Variants in CLEC4A observed in about 807,000 individuals in gnomAD.
The protein encoded by CLEC4A is C-type (calcium dependent, carbohydrate-recognition domain) lectin, superfamily member 6.
CLEC4A carries 27 observed loss-of-function variants against 32.7 expected under a neutral mutation model. The ratio of observed to expected loss-of-function variants is 0.83; its 90% CI spans 0.61 to 1.14. CLEC4A has a LOEUF of 1.14. Ranked by LOEUF, CLEC4A falls within the 50% of genes most tolerant of loss-of-function variation. The pLI, the probability that CLEC4A is intolerant of heterozygous loss-of-function variation, is 0.00. For synonymous variants in CLEC4A, 89 were observed against 93.7 expected, an observed-to-expected ratio of 0.95 and a Z score of 0.29; for missense variants, 253 against 274.6, an observed-to-expected ratio of 0.92 and a Z score of 0.55.
At chr12:8,107,765 C>T in the CLEC4A span, among the ~76,000 whole-genome samples, 1 of 146,464 alleles carries the variant, frequency 6.8e-6, no homozygotes, top group African/African-American at 2.5e-5. Flanking sequence ...TTATATCGAT[C>T]TTCTGCTTTT....
intron 4 of CLEC4A, 111 bp from the exon 5 acceptor site, chr12:8,136,677 A>G (rs1948122391): frequency 1.6e-6 from 1 of 639,300 alleles, no homozygotes; most frequent in Admixed American, 2.5e-5. Context: ...GTAGAGCTCT[A>G]ATGCAGCTGT....
chr12:8,109,198 A>C, the CLEC4A span, among the ~76,000 whole-genome samples: 1 of 152,226 alleles, frequency 6.6e-6, no homozygotes, highest in Admixed American at 6.5e-5. Flanking sequence ...TAACTGATCC[A>C]AAGTTTGTTG....
At chr12:8,122,354 G>A (rs748276869), upstream of CLEC4A, among the ~76,000 whole-genome samples, 15 of 151,916 alleles carry the variant, frequency 9.9e-5, no homozygotes, top group African/African-American at 3.6e-4. Context: ...TAGGGGACCA[G>A]CATCAGGAAT....
intron 2 of CLEC4A, among the ~76,000 whole-genome samples, chr12:8,126,443 C>G (rs1426730787): frequency 2.0e-5 from 3 of 148,256 alleles, no homozygotes; most frequent in African/African-American, 7.5e-5. Flanking sequence ...TTGTCCTGAA[C>G]TCCTGGGCTC....
In CLEC4A at chr12:8,134,006, T is replaced by C. The variant is rs751520748; in HGVS notation, c.299-1579T>C. 1.6e-5 allele frequency: 25 copies of C among 1,605,898 alleles called. No homozygotes were observed. In the Admixed American group the frequency reaches 3.4e-4, roughly 22 times the overall value. ...GCCACTGCTTGATCGCTTGCCCTTC[T>C]GGCGCCGGTTACAGAACCACACTCG... On this transcript the variant is annotated intron_variant, in intron 3 of 5. Transcript: ENST00000229332.
At chr12:8,127,645 G>C (rs1303437264) in intron 2 of CLEC4A, among the ~76,000 whole-genome samples, 1 of 152,134 alleles carries the variant, frequency 6.6e-6, no homozygotes, top group East Asian at 1.9e-4. Flanking sequence ...AGAGAGGTTA[G>C]AAGGATAATT....
At chr12:8,131,024 A>G (rs998104256) in intron 3 of CLEC4A, among the ~76,000 whole-genome samples, 14 of 152,166 alleles carry the variant, frequency 9.2e-5, no homozygotes, top group Non-Finnish European at 1.5e-4. Context: ...GTTTTGAGCA[A>G]TACTGGTCAG....
At position 8,137,655 on chromosome 12, in the gene CLEC4A, T is replaced by C. The variant is rs189208338; in HGVS notation, c.567-485T>C. On this transcript the variant is annotated intron_variant, in intron 5 of 5. Transcript: ENST00000229332. ...TGATATTACTCTAGTCCTTATTTTT[T>C]AGATAGAAAAACTGAGAATCAGGGA... Among the ~76,000 whole-genome samples the C allele has an allele frequency of 6.2e-4, 94 of 152,338 alleles. 1 individual carries two copies. The highest frequency in any genetic ancestry group is 2.2e-3 in the Admixed American group (33 of 15,306).
chr12:8,130,011 T>C (rs1263209847), intron 3 of CLEC4A, among the ~76,000 whole-genome samples: 1 of 152,164 alleles, frequency 6.6e-6, no homozygotes, highest in Non-Finnish European at 1.5e-5. Context: ...AATTTTTGTA[T>C]TTTTTGTAGA....
chr12:8,133,251 A>G (rs1948032189), intron 3 of CLEC4A, among the ~76,000 whole-genome samples: 2 of 151,778 alleles, frequency 1.3e-5, no homozygotes, highest in African/African-American at 4.8e-5. Context: ...GGGTTTCGCC[A>G]TGTTGGCCAG....
the CLEC4A span, among the ~76,000 whole-genome samples, chr12:8,117,939 G>C: frequency 2.0e-5 from 3 of 152,118 alleles, no homozygotes; most frequent in African/African-American, 7.2e-5. Flanking sequence ...ATTTTGCCAA[G>C]GTTGAGGGCA....
At chr12:8,135,866 A>G (rs900075097) in intron 4 of CLEC4A, 130 bp downstream of exon 4, 107 of 875,742 alleles carry the variant, frequency 1.2e-4, no homozygotes, top group Non-Finnish European at 1.7e-4. Context: ...AAATAGGTAG[A>G]AAGGGCTCCT....
upstream of CLEC4A, among the ~76,000 whole-genome samples, chr12:8,123,374 C>A (rs1947850347): frequency 6.6e-6 from 1 of 152,150 alleles, no homozygotes; most frequent in African/African-American, 2.4e-5. Context: ...GTCAATGATA[C>A]TCTTAGAATG....
the CLEC4A span, among the ~76,000 whole-genome samples, chr12:8,109,489 T>C: frequency 9.9e-5 from 15 of 152,194 alleles, no homozygotes; most frequent in Non-Finnish European, 1.8e-4. Context: ...TTTGTTTGCC[T>C]CAGTTTCCTC....
At chr12:8,124,961 A>G (rs955914461) in intron 1 of CLEC4A, among the ~76,000 whole-genome samples, 1 of 152,108 alleles carries the variant, frequency 6.6e-6, no homozygotes, top group African/African-American at 2.4e-5. Context: ...TTTTTCCCCC[A>G]TCATTTGACA....
chr12:8,136,295 T>C (rs1948114614), intron 4 of CLEC4A, among the ~76,000 whole-genome samples: 1 of 152,216 alleles, frequency 6.6e-6, no homozygotes, highest in South Asian at 2.1e-4. Context: ...CTGGGCATGC[T>C]AGCTCATGCC....
Position 8,128,568 on chromosome 12 carries a change from G to T in CLEC4A, c.200-696G>T, listed in dbSNP as rs148541436. On this transcript the variant is annotated intron_variant, in intron 2 of 5. Transcript: ENST00000229332. ...TGGGATTACAGGCACCTGCCGCTGCGCCCAGCTGATTTTTGTACTTTGAGT... is the reference window on the plus strand; with the variant it reads ...TGGGATTACAGGCACCTGCCGCTGCTCCCAGCTGATTTTTGTACTTTGAGT... 2.6e-3 allele frequency among the ~76,000 whole-genome samples: 398 copies of T among 152,140 alleles called. 2 individuals are homozygous for T. The highest frequency in any genetic ancestry group is 9.3e-3 in the African/African-American group (385 of 41,496).
At chr12:8,110,684 A>G in the CLEC4A span, among the ~76,000 whole-genome samples, 3 of 152,138 alleles carry the variant, frequency 2.0e-5, no homozygotes, top group Non-Finnish European at 4.4e-5. Flanking sequence ...ATTAGACATC[A>G]GGTTTTTAAA....
upstream of CLEC4A, among the ~76,000 whole-genome samples, chr12:8,118,680 C>A (rs755204227): frequency 4.6e-5 from 7 of 152,282 alleles, no homozygotes; most frequent in Non-Finnish European, 7.4e-5. Context: ...CCCCCATGAT[C>A]CAGTCACCTC....
Sources: gnomAD v4.1 joint callset for allele counts (sites outside exome capture counted in the v4.1 genomes callset) on GRCh38, gnomAD v4.1.1 for gene constraint, MANE v1.5 for transcripts, NCBI Gene and HGNC (gene_info 2026-07-23, HGNC 2026-07-21) for gene names.